The following MTMR10 variants were observed in gnomAD, a reference collection of about 807,000 sequenced individuals.
MTMR10 encodes the protein myotubularin related protein 10.
MTMR10 carries 56 observed loss-of-function variants against 88.1 expected under a neutral mutation model. That is an observed-to-expected ratio of 0.64 (90% CI 0.51 to 0.79). The LOEUF (loss-of-function observed/expected upper bound fraction) is 0.79. Among genes scored for constraint, MTMR10 ranks in the 30% least tolerant of loss-of-function variants. MTMR10 has a pLI of 0.00. For synonymous variants in MTMR10, 380 were observed against 340.9 expected, an observed-to-expected ratio of 1.11 and a Z score of -1.26; for missense variants, 883 against 924.7, an observed-to-expected ratio of 0.95 and a Z score of 0.58.
chr15:30,981,687 G>A (rs140557373), intron 2 of MTMR10, among the ~76,000 whole-genome samples: 1 of 152,238 alleles, frequency 6.6e-6, no homozygotes, highest in Non-Finnish European at 1.5e-5. Context: ...GTTTCTAGGG[G>A]GTGGTTTGTT....
intron 1 of MTMR10, chr15:30,991,246 G>A (rs957726748): frequency 1.9e-6 from 1 of 520,854 alleles, no homozygotes; most frequent in Non-Finnish European, 3.2e-6. Flanking sequence ...AATGGCTGCA[G>A]AAGAGTTTTA....
chr15:30,947,225 C>T lies in MTMR10; in HGVS notation c.1453G>A (p.Glu485Lys), dbSNP rs771575239. The T allele has an allele frequency of 3.1e-6, 5 of 1,613,900 alleles. No individual in the cohort carries two copies. The highest frequency in any genetic ancestry group is 4.5e-5 in the East Asian group (2 of 44,888). The change falls in exon 14 of 16, where the codon GAA (glutamate) becomes AAA (lysine). Residue 485 changes from glutamate (E) to lysine (K), a missense_variant. Around this residue, in one of 3 missense-constraint regions of MTMR10, gnomAD observed 126 missense variants for 178.2 expected, o/e 0.71. Coordinates refer to ENST00000435680, the MANE Select transcript of MTMR10 (RefSeq NM_017762.3). ...TCATACAACACTGCCAGGTAGGTTT[C>T]GGAGAACTCAAAAGCTGCAGGATAT... ...EQYPAAFEFS[E>K]TYLAVLYDST...
At chr15:30,987,857 T>G (rs2031046393) in intron 2 of MTMR10, among the ~76,000 whole-genome samples, 1 of 151,838 alleles carries the variant, frequency 6.6e-6, no homozygotes. Flanking sequence ...ATGCTCTCCC[T>G]TCCCTCATCC....
rs781037634 is a variant in MTMR10, at chr15:30,941,284, A to G, written c.*186T>C. ...ATGACAGAAAGAGGACAGGAACAAA[A>G]TTTACATCTCTCTTAAAATAAGTGT... On this transcript the variant is annotated 3_prime_UTR_variant, in exon 16 of 16. Transcript: ENST00000435680. 137 of 1,504,548 alleles carry G rather than the reference A, an allele frequency of 9.1e-5. 1 individual carries two copies. The African/African-American group carries it at 1.7e-3, about 19-fold the overall frequency. The allele number at this position is 1,504,548 out of a possible 1,614,324, so 93.2% of individuals were successfully genotyped here.
chr15:30,976,008 A>G (rs1374903712), intron 3 of MTMR10, among the ~76,000 whole-genome samples: 5 of 152,144 alleles, frequency 3.3e-5, no homozygotes. Flanking sequence ...AGAACATAAA[A>G]TAGCAAGAGG....
intron 2 of MTMR10, among the ~76,000 whole-genome samples, chr15:30,980,151 T>G (rs1348427533): frequency 1.3e-5 from 2 of 152,196 alleles, no homozygotes; most frequent in African/African-American, 2.4e-5. Context: ...AGGTGAGAAG[T>G]GAAGCACCTG....
rs189429102 is a variant in MTMR10, at chr15:30,939,247, C to T, written c.*2223G>A. On this transcript the variant is annotated 3_prime_UTR_variant, in exon 16 of 16. Coordinates refer to ENST00000435680, the MANE Select transcript of MTMR10 (RefSeq NM_017762.3). ...ATCAGTTTCCATCATAAAATAACAG[C>T]AAGACACTGTACACCTTTACGTTCA... 3.6e-3 allele frequency: 3,555 copies of T among 985,440 alleles called. 7 individuals are homozygous for T. Among genetic ancestry groups the T allele is most frequent in the Middle Eastern group, 4.2e-3 (8 of 1,914 alleles). 61.0% of individuals were successfully genotyped at this position (985,440 alleles called of 1,614,324 possible). A position where few individuals can be genotyped will look rare whatever the true frequency, so the allele number is the denominator to read the frequency against.
At chr15:30,959,145 A>G (rs1176725301) in intron 7 of MTMR10, 24 bp from the exon 8 acceptor site, 3 of 1,546,788 alleles carry the variant, frequency 1.9e-6, no homozygotes, top group African/African-American at 1.4e-5. Flanking sequence ...AAAAAATTAT[A>G]TGAGTGCTGT....
chr15:30,926,536 G>A, the MTMR10 span: 1 of 693,248 alleles, frequency 1.4e-6, no homozygotes, highest in Admixed American at 6.3e-5. Flanking sequence ...CCACAAGATA[G>A]GAGTTTACAA....
the MTMR10 span, among the ~76,000 whole-genome samples, chr15:30,930,040 T>G: frequency 7.2e-6 from 1 of 139,396 alleles, no homozygotes; most frequent in East Asian, 2.0e-4. Flanking sequence ...TATATTAATA[T>G]TATATAAATT....
chr15:30,976,339 G>A (rs1317098700), intron 3 of MTMR10, among the ~76,000 whole-genome samples: 1 of 152,092 alleles, frequency 6.6e-6, no homozygotes, highest in African/African-American at 2.4e-5. Flanking sequence ...GAAGCAGACA[G>A]AGGTTGCAGT....
rs1336917678 is a variant in MTMR10 at position 30,990,765 on chromosome 15, A to G, written c.121+12T>C. 7 of 1,605,372 alleles carry G rather than the reference A, an allele frequency of 4.4e-6. No individual in the cohort carries two copies. Among genetic ancestry groups the G allele is most frequent in the Non-Finnish European group, 6.0e-6 (7 of 1,174,936 alleles). The stretch of plus-strand genomic sequence containing the variant: ...TGCTAAAGTATCTGTTAGAATCCTA[A>G]CTAATGTTTACCTGGCAAAAGGACT... On this transcript the variant is annotated intron_variant, in intron 2 of 15. Transcript: ENST00000435680.
At chr15:30,990,748 T>G in intron 2 of MTMR10, 29 bp downstream of exon 2, 2 of 1,586,952 alleles carry the variant, frequency 1.3e-6, no homozygotes, top group Non-Finnish European at 1.7e-6. Flanking sequence ...GTTGCTAAAG[T>G]ATCTGTTAGA....
At chr15:30,943,286 AGGTGCCCTCTGCCTTAGGAC>A in intron 14 of MTMR10, 1 of 985,386 alleles carries the variant, frequency 1.0e-6, no homozygotes, top group Middle Eastern at 5.2e-4. Context: ...TGTGCTTTTC[AGGTGCCCTCTGCCTTAGGAC>A]CCCAAGGAAG....
At chr15:30,971,801 T>C (rs1310924063) in intron 5 of MTMR10, among the ~76,000 whole-genome samples, 1 of 152,146 alleles carries the variant, frequency 6.6e-6, no homozygotes, top group East Asian at 1.9e-4. Flanking sequence ...GATGTCCAAT[T>C]CTGCACCATC....
the MTMR10 span, among the ~76,000 whole-genome samples, chr15:30,929,841 T>C: frequency 1.2e-5 from 1 of 81,306 alleles, no homozygotes; most frequent in Admixed American, 2.2e-4. Context: ...TAATATAATA[T>C]ATAAAATATA....
rs1378323519 is a variant in MTMR10 at position 30,941,880 on chromosome 15, G to A, written c.1924C>T (p.His642Tyr). ...REWFSKPANL[H>Y]GVILPRVSGT... Reference sequence around the variant, plus strand: ...GAGACACGTGGCAGAATAACACCGTGCAGGTTGGCGGGTTTGGAAAACCAT... The same window carrying A: ...GAGACACGTGGCAGAATAACACCGTACAGGTTGGCGGGTTTGGAAAACCAT... Residue 642 changes from histidine (H) to tyrosine (Y), a missense_variant, in exon 16 of 16, where the codon CAC becomes TAC. Physicochemically the swap from His to Tyr is moderately conservative, Grantham distance 83 (BLOSUM62 2). Coordinates refer to ENST00000435680, the MANE Select transcript of MTMR10 (RefSeq NM_017762.3). 6.2e-7 allele frequency: 1 copy of A among 1,614,076 alleles called. No homozygotes were observed. The highest frequency in any genetic ancestry group is 8.5e-7 in the Non-Finnish European group (1 of 1,179,912).
At chr15:30,925,436 C>A in the MTMR10 span, 1 of 809,338 alleles carries the variant, frequency 1.2e-6, no homozygotes, top group African/African-American at 1.7e-5. Flanking sequence ...GCTGTGTGGC[C>A]ATTGCTCCCA....
At chr15:30,927,905 A>C in the MTMR10 span, 1 of 985,708 alleles carries the variant, frequency 1.0e-6, no homozygotes, top group Non-Finnish European at 1.2e-6. Context: ...TCTGTCTCTC[A>C]GGTCATCTCC....
Sources: gnomAD v4.1 joint callset for allele counts (sites outside exome capture counted in the v4.1 genomes callset) on GRCh38, gnomAD v4.1.1 for gene constraint, gnomAD v4.1.1 regional missense constraint, MANE v1.5 for transcripts, NCBI Gene and HGNC (gene_info 2026-07-23, HGNC 2026-07-21) for gene names.